The following PHF21A variants were observed in gnomAD, a reference collection of about 807,000 sequenced individuals.
PHF21A encodes the protein BHC80a.
A neutral mutation model predicts 82.5 loss-of-function variants in PHF21A; 11 were observed. The ratio of observed to expected loss-of-function variants is 0.13; its 90% CI spans 0.08 to 0.22. The LOEUF is 0.22. Among genes scored for constraint, PHF21A ranks in the 10% least tolerant of loss-of-function variants. PHF21A has a pLI of 1.00. For synonymous variants in PHF21A, 297 were observed against 302.8 expected, an observed-to-expected ratio of 0.98 and a Z score of 0.20; for missense variants, 579 against 837.8, an observed-to-expected ratio of 0.69 and a Z score of 3.81.
intron 10 of PHF21A, among the ~76,000 whole-genome samples, chr11:45,961,287 T>C (rs1423305687): frequency 1.3e-5 from 2 of 152,326 alleles, no homozygotes; most frequent in African/African-American, 4.8e-5. Flanking sequence ...TATACTTGTC[T>C]GCATGAAAAA....
chr11:46,042,378 T>C (rs1004907426), intron 6 of PHF21A, among the ~76,000 whole-genome samples: 15 of 152,140 alleles, frequency 9.9e-5, no homozygotes, highest in African/African-American at 3.6e-4. Context: ...TATTAGTATG[T>C]GTGATAGTGC....
chr11:46,022,269 A>G (rs953574866), intron 6 of PHF21A, among the ~76,000 whole-genome samples: 3 of 152,136 alleles, frequency 2.0e-5, no homozygotes, highest in Non-Finnish European at 4.4e-5. Flanking sequence ...TGTGGGCAAC[A>G]TAGCAAGACC....
At chr11:46,020,776 A>C (rs1258676735) in intron 6 of PHF21A, among the ~76,000 whole-genome samples, 1 of 152,178 alleles carries the variant, frequency 6.6e-6, no homozygotes, top group Admixed American at 6.5e-5. Flanking sequence ...GAAAAACATT[A>C]TTCTTAAACT....
intron 7 of PHF21A, among the ~76,000 whole-genome samples, chr11:45,974,305 G>C (rs892139845): frequency 6.6e-6 from 1 of 151,884 alleles, no homozygotes; most frequent in Non-Finnish European, 1.5e-5. Flanking sequence ...CCAAACTCCT[G>C]GGTTTAGATG....
chr11:46,045,339 G>A (rs1238742491), intron 6 of PHF21A, among the ~76,000 whole-genome samples: 2 of 152,166 alleles, frequency 1.3e-5, no homozygotes, highest in African/African-American at 4.8e-5. Flanking sequence ...ACACAAAGGA[G>A]AGGCTGAAAA....
intron 16 of PHF21A, chr11:45,936,795 G>A: frequency 2.0e-6 from 1 of 494,856 alleles, no homozygotes; most frequent in Non-Finnish European, 3.6e-6. Context: ...TTGAGCCCAG[G>A]CTTAGAAGGA....
intron 6 of PHF21A, among the ~76,000 whole-genome samples, chr11:46,023,961 CA>C (rs2095685721): frequency 6.6e-6 from 1 of 152,106 alleles, no homozygotes; most frequent in Admixed American, 6.6e-5. Context: ...ATCTCGAAAA[CA>C]AACAAACAAA....
intron 10 of PHF21A, 136 bp downstream of exon 10, chr11:45,965,179 C>T (rs776766020): frequency 2.2e-5 from 16 of 731,468 alleles, no homozygotes; most frequent in Non-Finnish European, 3.3e-5. Context: ...GATGAATTAT[C>T]GCACATAAGC....
chr11:45,975,848 T>C (rs926571346), intron 7 of PHF21A, among the ~76,000 whole-genome samples: 2 of 152,230 alleles, frequency 1.3e-5, no homozygotes, highest in African/African-American at 2.4e-5. Flanking sequence ...AATAAAAAAC[T>C]TTCTCCTCTT....
At position 46,070,267 on chromosome 11, in the gene PHF21A, C is replaced by T. The variant is rs1198445501; in HGVS notation, c.153+6487G>A. Among the ~76,000 whole-genome samples the T allele has an allele frequency of 2.6e-5, 4 of 152,140 alleles. No individual in the cohort carries two copies. The East Asian group carries it at 7.7e-4, about 29-fold the overall frequency. ...ATGATTCCATAAACGGCAAGATGAA[C>T]TTACTAAACCCAGAAAAGTATTTCA... On this transcript the variant is annotated intron_variant, in intron 6 of 18. Coordinates refer to ENST00000676320, the MANE Select transcript of PHF21A (RefSeq NM_001352027.3).
intron 6 of PHF21A, among the ~76,000 whole-genome samples, chr11:46,065,973 G>A (rs2096589229): frequency 6.6e-6 from 1 of 152,212 alleles, no homozygotes; most frequent in African/African-American, 2.4e-5. Flanking sequence ...ACATCCAAGA[G>A]ATGACAAACT....
chr11:45,936,225 C>G (rs1045484126), intron 17 of PHF21A, among the ~76,000 whole-genome samples: 3 of 152,102 alleles, frequency 2.0e-5, no homozygotes, highest in African/African-American at 7.2e-5. Context: ...CTGCAGTGGG[C>G]TGTGATCATG....
At chr11:45,958,911 C>T (rs1055961590) in intron 10 of PHF21A, among the ~76,000 whole-genome samples, 5 of 152,066 alleles carry the variant, frequency 3.3e-5, no homozygotes, top group African/African-American at 1.2e-4. Context: ...CAGCAAGACC[C>T]TGCCTCCAAA....
chr11:46,013,479 G>A (rs145407885), intron 6 of PHF21A, among the ~76,000 whole-genome samples: 1 of 152,286 alleles, frequency 6.6e-6, no homozygotes, highest in Non-Finnish European at 1.5e-5. Flanking sequence ...AGCTGACCGT[G>A]AGTAACTAAA....
intron 6 of PHF21A, among the ~76,000 whole-genome samples, chr11:45,987,807 C>A (rs1437034464): frequency 6.6e-6 from 1 of 151,978 alleles, no homozygotes; most frequent in Non-Finnish European, 1.5e-5. Context: ...TACAGAACAC[C>A]GCTGCACATA....
intron 11 of PHF21A, among the ~76,000 whole-genome samples, chr11:45,952,584 T>G (rs1039872649): frequency 2.0e-5 from 3 of 152,228 alleles, no homozygotes; most frequent in Non-Finnish European, 4.4e-5. Context: ...AGTACTTCTT[T>G]TTGGCTTAAG....
chr11:46,077,167 A>G (rs989048127), intron 5 of PHF21A, among the ~76,000 whole-genome samples: 1 of 152,362 alleles, frequency 6.6e-6, no homozygotes, highest in East Asian at 1.9e-4. Flanking sequence ...CTAATCACAC[A>G]AAAGTAGGAA....
At chr11:45,955,080 T>C in intron 10 of PHF21A, among the ~76,000 whole-genome samples, 1 of 152,210 alleles carries the variant, frequency 6.6e-6, no homozygotes. Context: ...TTTGTAATTT[T>C]CCCCCACTGG....
chr11:46,095,349 C>T lies in PHF21A; in HGVS notation c.-236-3126G>A, dbSNP rs1304136177. 2.6e-5 allele frequency among the ~76,000 whole-genome samples: 4 copies of T among 152,174 alleles called. No individual in the cohort carries two copies. The East Asian group carries it at 7.7e-4, about 29-fold the overall frequency. ...TTCATGTTAAGCTGGTTAAAAGCCA[C>T]TTAGTTTGTTTCTCACATACATTTC... On this transcript the variant is annotated intron_variant, in intron 1 of 18. Coordinates refer to ENST00000676320, the MANE Select transcript of PHF21A (RefSeq NM_001352027.3).
Sources: allele counts gnomAD v4.1 joint callset (sites outside exome capture counted in the v4.1 genomes callset), GRCh38; gene constraint gnomAD v4.1.1; transcripts MANE v1.5; gene names NCBI Gene and HGNC (gene_info 2026-07-23, HGNC 2026-07-21).